WDTC1: variants seen among roughly 807,000 people sequenced by gnomAD.
WDTC1 encodes WD and tetratricopeptide repeats protein 1.
A neutral mutation model predicts 76.0 loss-of-function variants in WDTC1; 12 were observed. That is an observed-to-expected ratio of 0.16 (90% CI 0.10 to 0.26). WDTC1 has a LOEUF of 0.26. Ranked by LOEUF, WDTC1 falls within the 10% of genes least tolerant of loss-of-function variation. The pLI, the probability that WDTC1 is intolerant of heterozygous loss-of-function variation, is 1.00. For missense variants in WDTC1, 511 were observed against 908.8 expected, an observed-to-expected ratio of 0.56 and a Z score of 5.63; for synonymous variants, 326 against 350.8, an observed-to-expected ratio of 0.93 and a Z score of 0.79.
chr1:27,238,491 T>A (rs2011538571), intron 1 of WDTC1, among the ~76,000 whole-genome samples: 1 of 152,180 alleles, frequency 6.6e-6, no homozygotes, highest in African/African-American at 2.4e-5. Flanking sequence ...ATCTTTTTTT[T>A]TTCTTTGAGA....
At chr1:27,275,280 T>C (rs1414645942) in intron 3 of WDTC1, among the ~76,000 whole-genome samples, 1 of 152,238 alleles carries the variant, frequency 6.6e-6, no homozygotes, top group African/African-American at 2.4e-5. Flanking sequence ...TGAATAGCTT[T>C]GGTAGACCAG....
intron 4 of WDTC1, 101 bp from the exon 5 acceptor site, chr1:27,283,237 T>G: frequency 2.9e-6 from 3 of 1,035,398 alleles, no homozygotes; most frequent in Non-Finnish European, 4.4e-6. Context: ...TTACTGTTCT[T>G]CAAATTCTGT....
chr1:27,257,187 A>G (rs1454147007), intron 1 of WDTC1, among the ~76,000 whole-genome samples: 18 of 152,174 alleles, frequency 1.2e-4, no homozygotes, highest in Admixed American at 1.2e-3. Flanking sequence ...CTTAGTAAAT[A>G]AAAATATTTA....
intron 3 of WDTC1, 53 bp from the exon 4 acceptor site, chr1:27,282,186 C>T (rs1395738237): frequency 3.8e-6 from 6 of 1,575,832 alleles, no homozygotes; most frequent in Non-Finnish European, 5.2e-6. Flanking sequence ...TGTTGAGTTC[C>T]CCAGGAGAAC....
chr1:27,251,091 A>G (rs1031536534), intron 1 of WDTC1, among the ~76,000 whole-genome samples: 3 of 112,446 alleles, frequency 2.7e-5, no homozygotes, highest in African/African-American at 1.0e-4. Context: ...GGGTTTCACC[A>G]TATTGGCCAG....
Position 27,301,161 on chromosome 1 carries a change from C to G in WDTC1, c.1233-65C>G. 6.8e-7 allele frequency: 1 copy of G among 1,475,538 alleles called. No individual in the cohort carries two copies. 91.4% of individuals were successfully genotyped at this position (1,475,538 alleles called of 1,614,324 possible). ...GGGTGGCCACAGGAAGCAGAGGAGA[C>G]TGAATGGGGACCCCTTGCTTGCCAC... On this transcript the variant is annotated intron_variant, in intron 12 of 15. Transcript: ENST00000319394. This position sits in a 1 kb window ranked among gnomAD's most constrained non-coding sequence, Gnocchi z 5.8.
intron 1 of WDTC1, among the ~76,000 whole-genome samples, chr1:27,246,567 C>T (rs2147908467): frequency 6.6e-6 from 1 of 151,102 alleles, no homozygotes; most frequent in South Asian, 2.1e-4. Flanking sequence ...TGTTTTCTTT[C>T]CTTTTTTTTT....
intron 3 of WDTC1, among the ~76,000 whole-genome samples, chr1:27,280,512 A>G (rs1026008116): frequency 6.6e-6 from 1 of 152,252 alleles, no homozygotes. Flanking sequence ...AAAGCTTAGC[A>G]TCTACCCTGG....
chr1:27,234,602 G>A, upstream of WDTC1: 1 of 392,728 alleles, frequency 2.5e-6, no homozygotes, highest in Admixed American at 4.4e-5. Context: ...CAGGGCGGAG[G>A]CGGAGACTGC....
rs138243935 is a variant in WDTC1 at position 27,273,820 on chromosome 1, CGT to C, written c.133-8399_133-8398del. Among the ~76,000 whole-genome samples, 1,227 of 147,570 alleles carry C rather than the reference CGT, an allele frequency of 8.3e-3. 20 individuals carry two copies. Among genetic ancestry groups the C allele is most frequent in the African/African-American group, 0.024 (972 of 40,418 alleles). ...GAAAAAAAGTACTAAGTACTTTACA[CGT>C]GTGTGTGTGTGTGTGTGTGCGTGTG... is the stretch of plus-strand genomic sequence containing the variant. On this transcript the variant is annotated intron_variant, in intron 3 of 15. Coordinates refer to ENST00000319394, the MANE Select transcript of WDTC1 (RefSeq NM_001276252.2).
At chr1:27,242,496 T>A (rs1478972527) in intron 1 of WDTC1, among the ~76,000 whole-genome samples, 5 of 148,086 alleles carry the variant, frequency 3.4e-5, no homozygotes, top group Admixed American at 1.4e-4. Context: ...GGAGACGGAG[T>A]TTCGCTCCTG....
intron 3 of WDTC1, among the ~76,000 whole-genome samples, chr1:27,271,214 T>C (rs923509132): frequency 2.6e-5 from 4 of 152,070 alleles, no homozygotes; most frequent in Admixed American, 2.6e-4. Context: ...TTTACTTTTA[T>C]TTATTTTATT....
chr1:27,291,100 A>G (rs2013523491), intron 6 of WDTC1, among the ~76,000 whole-genome samples: 1 of 152,252 alleles, frequency 6.6e-6, no homozygotes, highest in Non-Finnish European at 1.5e-5. Flanking sequence ...AAGGTGTCCT[A>G]GCAGAAGGTG....
chr1:27,285,203 A>G (rs1419190763), intron 5 of WDTC1, among the ~76,000 whole-genome samples: 1 of 151,508 alleles, frequency 6.6e-6, no homozygotes, highest in Non-Finnish European at 1.5e-5. Flanking sequence ...CACCTGGCAG[A>G]TTTTTGTATT....
intron 3 of WDTC1, among the ~76,000 whole-genome samples, chr1:27,273,820 C>CGTGTGTGT (rs138243935): frequency 2.7e-5 from 4 of 148,124 alleles, no homozygotes; most frequent in Admixed American, 1.4e-4. Context: ...GTACTTTACA[C>CGTGTGTGT]GTGTGTGTGT....
chr1:27,278,935 T>C (rs2013111640), intron 3 of WDTC1, among the ~76,000 whole-genome samples: 1 of 152,084 alleles, frequency 6.6e-6, no homozygotes, highest in Non-Finnish European at 1.5e-5. Context: ...CAGTGATGTG[T>C]GCTTCGAACC....
chr1:27,297,850 G>C, intron 11 of WDTC1, 88 bp from the exon 12 acceptor site: 1 of 1,394,276 alleles, frequency 7.2e-7, no homozygotes, highest in Non-Finnish European at 9.6e-7. Flanking sequence ...AAGAAAATCT[G>C]GGTGGCCCTC....
intron 1 of WDTC1, among the ~76,000 whole-genome samples, chr1:27,237,578 G>A (rs1228240445): frequency 6.6e-6 from 1 of 152,074 alleles, no homozygotes; most frequent in African/African-American, 2.4e-5. Context: ...GGCTGAGCGC[G>A]GTGGCTCACG....
chr1:27,269,218 A>G (rs2012777649), intron 3 of WDTC1, among the ~76,000 whole-genome samples: 3 of 145,204 alleles, frequency 2.1e-5, no homozygotes, highest in Admixed American at 7.0e-5. Flanking sequence ...GCACATGCCT[A>G]TAGTCCCCAG....
Sources: allele counts gnomAD v4.1 joint callset (sites outside exome capture counted in the v4.1 genomes callset), GRCh38; gene constraint gnomAD v4.1.1; non-coding constraint Gnocchi (gnomAD v3.1); transcripts MANE v1.5; gene names NCBI Gene and HGNC (gene_info 2026-07-23, HGNC 2026-07-21).